The following IGSF10 variants were observed in gnomAD, a reference collection of about 807,000 sequenced individuals.
IGSF10 encodes immunoglobulin superfamily member 10, also known as calvaria mechanical force protein 608.
A neutral mutation model predicts 128.2 loss-of-function variants in IGSF10; 126 were observed. The ratio of observed to expected loss-of-function variants is 0.98; its 90% confidence interval spans 0.85 to 1.14. The LOEUF is 1.14. IGSF10 is among the 50% of genes most tolerant of loss of function. The probability of loss-of-function intolerance (pLI) is 0.00; values close to 1 mark genes in which losing one functional copy is unlikely to be tolerated. For synonymous variants in IGSF10, 1,185 were observed against 1,146.2 expected, an observed-to-expected ratio of 1.03 and a Z score of -0.68; for missense variants, 3,295 against 3,149.8, an observed-to-expected ratio of 1.05 and a Z score of -1.10.
chr3:151,460,197 G>A (rs1382039109), intron 2 of IGSF10, 64 bp downstream of exon 2: 1 of 373,530 alleles, frequency 2.7e-6, no homozygotes, highest in East Asian at 1.6e-4. Flanking sequence ...GACAACACAT[G>A]AATAAGGGAT....
At chr3:151,523,090 C>T in the IGSF10 span, among the ~76,000 whole-genome samples, 1 of 152,038 alleles carries the variant, frequency 6.6e-6, no homozygotes, top group East Asian at 1.9e-4. Flanking sequence ...AATAACATAC[C>T]TAAGAATACA....
the IGSF10 span, among the ~76,000 whole-genome samples, chr3:151,543,944 C>T: frequency 2.0e-5 from 3 of 152,202 alleles, no homozygotes; most frequent in Non-Finnish European, 4.4e-5. Flanking sequence ...GAGTTTTACT[C>T]TGTCACCCAG....
chr3:151,605,156 T>C, the IGSF10 span, among the ~76,000 whole-genome samples: 1 of 152,232 alleles, frequency 6.6e-6, no homozygotes, highest in African/African-American at 2.4e-5. Flanking sequence ...AGTGTTACTT[T>C]ATTTGACCTC....
chr3:151,435,298 T>C (rs1720020349), downstream of IGSF10: 1 of 152,142 alleles, frequency 6.6e-6, no homozygotes, highest in South Asian at 2.1e-4. Flanking sequence ...TAGACTCTCT[T>C]GTTTACACTG....
At chr3:151,439,909 A>G (rs1720740270) in intron 7 of IGSF10, among the ~76,000 whole-genome samples, 1 of 152,192 alleles carries the variant, frequency 6.6e-6, no homozygotes, top group African/African-American at 2.4e-5. Context: ...CGTCTTTCTT[A>G]TTTTTGGGCA....
chr3:151,478,948 T>C, the IGSF10 span, among the ~76,000 whole-genome samples: 652 of 152,354 alleles, frequency 4.3e-3, 11 homozygotes, highest in East Asian at 0.046. Flanking sequence ...ATTCATCAAG[T>C]ATTCAGAAGA....
the IGSF10 span, among the ~76,000 whole-genome samples, chr3:151,480,154 C>T: frequency 6.6e-6 from 1 of 152,248 alleles, no homozygotes; most frequent in South Asian, 2.1e-4. Flanking sequence ...ACTAAATCCT[C>T]CCGCCAAACA....
At chr3:151,504,819 A>G in the IGSF10 span, among the ~76,000 whole-genome samples, 1 of 152,216 alleles carries the variant, frequency 6.6e-6, no homozygotes, top group African/African-American at 2.4e-5. Context: ...GCTATAATCA[A>G]TGCAGCTGTT....
At chr3:151,553,681 T>A in the IGSF10 span, among the ~76,000 whole-genome samples, 2 of 151,686 alleles carry the variant, frequency 1.3e-5, no homozygotes, top group Non-Finnish European at 2.9e-5. Context: ...ATTTCTTAAT[T>A]TTTTCATCTT....
chr3:151,533,259 C>G, the IGSF10 span, among the ~76,000 whole-genome samples: 1 of 152,268 alleles, frequency 6.6e-6, no homozygotes, highest in South Asian at 2.1e-4. Context: ...AGATTCAGTG[C>G]TATCCCCATC....
At chr3:151,520,098 C>A in the IGSF10 span, among the ~76,000 whole-genome samples, 16 of 151,310 alleles carry the variant, frequency 1.1e-4, no homozygotes, top group Admixed American at 2.0e-4. Context: ...GTATGCACTT[C>A]CATTTGAAAA....
chr3:151,519,877 T>C, the IGSF10 span, among the ~76,000 whole-genome samples: 1 of 151,778 alleles, frequency 6.6e-6, no homozygotes, highest in South Asian at 2.1e-4. Flanking sequence ...ATATTGACTT[T>C]TCAAGCTGAA....
At chr3:151,525,002 C>CTTTT in the IGSF10 span, among the ~76,000 whole-genome samples, 6 of 49,736 alleles carry the variant, frequency 1.2e-4, no homozygotes, top group South Asian at 3.5e-3. Flanking sequence ...TGCATTACAC[C>CTTTT]TTTTTTTTTT....
chr3:151,441,255 TGA>T (rs1720833148), intron 7 of IGSF10, among the ~76,000 whole-genome samples: 1 of 152,188 alleles, frequency 6.6e-6, no homozygotes, highest in African/African-American at 2.4e-5. Context: ...CTAATATTTT[TGA>T]GAGAGATAAT....
At chr3:151,587,462 T>G in the IGSF10 span, among the ~76,000 whole-genome samples, 405 of 152,330 alleles carry the variant, frequency 2.7e-3, no homozygotes, top group African/African-American at 9.4e-3. Context: ...TAGCTAACTT[T>G]TACTACTTGC....
At chr3:151,616,841 GA>G in the IGSF10 span, among the ~76,000 whole-genome samples, 49 of 152,012 alleles carry the variant, frequency 3.2e-4, no homozygotes, top group African/African-American at 1.0e-3. Flanking sequence ...AAGTTATAAA[GA>G]AAAAAAATAT....
chr3:151,465,504 T>C (rs1228449831), upstream of IGSF10, among the ~76,000 whole-genome samples: 1 of 152,238 alleles, frequency 6.6e-6, no homozygotes, highest in African/African-American at 2.4e-5. Context: ...TAAGCCTGGG[T>C]AGGAGATGCA....
In IGSF10 at chr3:151,445,503, G is replaced by A; in HGVS notation, c.4478C>T (p.Pro1493Leu). ...QRAVTDNVAT[P>L]ISGLMTNTVV... ...TGTATTTGTCATAAGCCCGGAAATG[G>A]GAGTCGCCACGTTGTCAGTAACTGC... Residue 1493 changes from proline (P) to leucine (L), a missense_variant, in exon 6 of 8, where the codon CCC becomes CTC. Physicochemically the swap from Pro to Leu is moderately conservative, Grantham distance 98. Coordinates refer to ENST00000282466, the MANE Select transcript of IGSF10 (RefSeq NM_178822.5). 6.2e-7 allele frequency: 1 copy of A among 1,614,134 alleles called. No individual in the cohort carries two copies. Among genetic ancestry groups the A allele is most frequent in the Non-Finnish European group, 8.5e-7 (1 of 1,180,022 alleles).
At chr3:151,578,922 TAAAG>T in the IGSF10 span, among the ~76,000 whole-genome samples, 1 of 152,070 alleles carries the variant, frequency 6.6e-6, no homozygotes, top group Non-Finnish European at 1.5e-5. Context: ...AGACTGAGGA[TAAAG>T]AAAGAAACAG....
Sources: allele counts gnomAD v4.1 joint callset (sites outside exome capture counted in the v4.1 genomes callset), GRCh38; gene constraint gnomAD v4.1.1; transcripts MANE v1.5; gene names NCBI Gene and HGNC (gene_info 2026-07-23, HGNC 2026-07-21).